The following LRFN2 variants were observed in gnomAD, a reference collection of about 807,000 sequenced individuals.
LRFN2 encodes leucine rich repeat and fibronectin type III domain containing 2.
LRFN2 carries 18 observed loss-of-function variants against 37.3 expected under a neutral mutation model. That is an observed-to-expected ratio of 0.48 (90% confidence interval 0.33 to 0.72). The LOEUF is 0.72. LRFN2 is among the 30% of genes least tolerant of loss of function. The pLI is 0.02. For synonymous variants in LRFN2, 556 were observed against 466.6 expected (o/e 1.19, Z -2.47); for missense variants, 1,006 against 1,060.7 (o/e 0.95, Z 0.72).
intron 1 of LRFN2, among the ~76,000 whole-genome samples, chr6:40,566,531 A>G (rs553032999): frequency 5.3e-4 from 81 of 151,994 alleles, no homozygotes; most frequent in African/African-American, 1.9e-3. Flanking sequence ...TGGCACATAT[A>G]CACCATGGAA....
intron 1 of LRFN2, among the ~76,000 whole-genome samples, chr6:40,447,485 G>A (rs1561859856): frequency 6.6e-6 from 1 of 152,132 alleles, no homozygotes; most frequent in African/African-American, 2.4e-5. Flanking sequence ...ATGGGGACCT[G>A]AGTTTAGAAT....
chr6:40,425,928 A>G (rs1763344089), intron 2 of LRFN2, among the ~76,000 whole-genome samples: 1 of 152,108 alleles, frequency 6.6e-6, no homozygotes, highest in Non-Finnish European at 1.5e-5. Flanking sequence ...CCTTCCTGGT[A>G]TGTAGACTAG....
At position 40,404,279 on chromosome 6, in the gene LRFN2, TTTTTTTG is replaced by T. The variant is rs746126893; in HGVS notation, c.1401-11374_1401-11368del. 2.2e-4 allele frequency among the ~76,000 whole-genome samples: 33 copies of T among 152,282 alleles called. No homozygotes were observed. In the East Asian group the frequency reaches 3.3e-3, roughly 15 times the overall value. On this transcript the variant is annotated intron_variant, in intron 2 of 2. Coordinates refer to ENST00000338305, the MANE Select transcript of LRFN2 (RefSeq NM_020737.3). ...CTGAGGTCAGAGTTTGTTTGGGTTGTTTTTTTGTTTTTTGTTTTTTGTTTTTTTTTGC... is the reference window on the plus strand; with the variant it reads ...CTGAGGTCAGAGTTTGTTTGGGTTGTTTTTTTGTTTTTTGTTTTTTTTTGC...
chr6:40,532,964 T>C (rs1224823162), intron 1 of LRFN2, among the ~76,000 whole-genome samples: 6 of 152,194 alleles, frequency 3.9e-5, no homozygotes, highest in African/African-American at 1.4e-4. Context: ...TACCAAGAAG[T>C]GACAGGCTGC....
chr6:40,516,447 G>A (rs890362235), intron 1 of LRFN2: 5 of 152,284 alleles, frequency 3.3e-5, no homozygotes, highest in Non-Finnish European at 7.3e-5. Flanking sequence ...TGAGGATGCT[G>A]GGGGAGAGAA....
At chr6:40,546,062 T>C (rs1390344297) in intron 1 of LRFN2, among the ~76,000 whole-genome samples, 1 of 151,966 alleles carries the variant, frequency 6.6e-6, no homozygotes, top group Non-Finnish European at 1.5e-5. Context: ...CTCTTGACAA[T>C]GGGGAGACTC....
intron 1 of LRFN2, among the ~76,000 whole-genome samples, chr6:40,506,975 C>T (rs1325060772): frequency 6.6e-6 from 1 of 152,096 alleles, no homozygotes; most frequent in Non-Finnish European, 1.5e-5. Flanking sequence ...TAAAGGGGAA[C>T]AGTTTTCAAA....
At chr6:40,550,180 C>A (rs1032635260) in intron 1 of LRFN2, among the ~76,000 whole-genome samples, 5 of 151,964 alleles carry the variant, frequency 3.3e-5, no homozygotes, top group African/African-American at 1.2e-4. Context: ...CAAAGAGGAC[C>A]CCCTAGGAGG....
chr6:40,532,301 G>A (rs1766357991), intron 1 of LRFN2, among the ~76,000 whole-genome samples: 1 of 152,182 alleles, frequency 6.6e-6, no homozygotes, highest in Admixed American at 6.5e-5. Context: ...CACAGTATAG[G>A]AATATAATGG....
rs114995205 is a variant in LRFN2, at chr6:40,473,145, C to G, written c.-18-40014G>C. On this transcript the variant is annotated intron_variant, in intron 1 of 2. Transcript: ENST00000338305. ...AGATAGGTGATCTTCTGGGCCCCAG[C>G]CAAACTCCAGGGCCCCACTCTACTG... is the stretch of plus-strand genomic sequence containing the variant. Among the ~76,000 whole-genome samples the G allele has an allele frequency of 6.3e-3, 957 of 151,790 alleles. 12 individuals carry two copies. The highest frequency in any genetic ancestry group is 0.022 in the African/African-American group (888 of 41,078).
At chr6:40,528,168 T>C (rs1451877147) in intron 1 of LRFN2, among the ~76,000 whole-genome samples, 1 of 152,240 alleles carries the variant, frequency 6.6e-6, no homozygotes, top group Admixed American at 6.5e-5. Context: ...AAAGCTTCAA[T>C]TTTCTGTTGT....
At chr6:40,424,690 A>G (rs1005683434) in intron 2 of LRFN2, among the ~76,000 whole-genome samples, 9 of 151,946 alleles carry the variant, frequency 5.9e-5, no homozygotes, top group Non-Finnish European at 8.8e-5. Flanking sequence ...CCTCTATACC[A>G]TTCTCTTCCT....
chr6:40,458,720 C>T (rs937678459), intron 1 of LRFN2, among the ~76,000 whole-genome samples: 41 of 152,230 alleles, frequency 2.7e-4, no homozygotes, highest in African/African-American at 7.7e-4. Flanking sequence ...GCAACTTCTT[C>T]ATCCCTTGCT....
intron 1 of LRFN2, among the ~76,000 whole-genome samples, chr6:40,553,899 A>G (rs1766822650): frequency 6.6e-6 from 1 of 152,170 alleles, no homozygotes. Context: ...TCTTCTCTGC[A>G]GATCACACTT....
intron 2 of LRFN2, among the ~76,000 whole-genome samples, chr6:40,403,504 C>T (rs563834306): frequency 1.3e-5 from 2 of 152,296 alleles, no homozygotes; most frequent in Non-Finnish European, 2.9e-5. Context: ...CCACAAATGC[C>T]CTGAGGCACC....
chr6:40,407,236 C>T (rs1028299024), intron 2 of LRFN2, among the ~76,000 whole-genome samples: 3 of 151,984 alleles, frequency 2.0e-5, no homozygotes, highest in African/African-American at 7.2e-5. Context: ...ATATAGAAGT[C>T]TTCTCTATTT....
intron 1 of LRFN2, among the ~76,000 whole-genome samples, chr6:40,511,816 T>C (rs1036063946): frequency 7.9e-5 from 12 of 152,144 alleles, no homozygotes; most frequent in African/African-American, 2.9e-4. Context: ...AGTTCTAATA[T>C]GATGATTCTT....
chr6:40,455,512 A>G (rs1405293893), intron 1 of LRFN2, among the ~76,000 whole-genome samples: 1 of 152,234 alleles, frequency 6.6e-6, no homozygotes, highest in Non-Finnish European at 1.5e-5. Flanking sequence ...CTTATGGGGT[A>G]CTAGCCAATG....
intron 1 of LRFN2, among the ~76,000 whole-genome samples, chr6:40,462,864 C>G (rs781128760): frequency 6.6e-6 from 1 of 152,118 alleles, no homozygotes; most frequent in South Asian, 2.1e-4. Context: ...GTACCCTTGC[C>G]TAGTAATAGA....
Sources: allele counts gnomAD v4.1 joint callset (sites outside exome capture counted in the v4.1 genomes callset), GRCh38; gene constraint gnomAD v4.1.1; transcripts MANE v1.5; gene names NCBI Gene and HGNC (gene_info 2026-07-23, HGNC 2026-07-21).